The following PPM1B variants were observed in gnomAD, a reference collection of about 807,000 sequenced individuals.
The protein encoded by PPM1B is protein phosphatase, Mg2+/Mn2+ dependent 1B.
In PPM1B, 22 loss-of-function variants were observed where a neutral mutation model predicts 43.0. The ratio of observed to expected loss-of-function variants is 0.51; its 90% CI spans 0.37 to 0.73. PPM1B has a LOEUF of 0.73. Among genes scored for constraint, PPM1B ranks in the 30% least tolerant of loss-of-function variants. The pLI is 0.00. For synonymous variants in PPM1B, 217 were observed against 197.9 expected (o/e 1.10, Z -0.81); for missense variants, 632 against 584.2 (o/e 1.08, Z -0.84).
downstream of PPM1B, chr2:44,234,098 A>G (rs142565998): frequency 7.5e-4 from 728 of 968,080 alleles, 4 homozygotes; most frequent in African/African-American, 0.012. Flanking sequence ...TCAGTTTTTA[A>G]TGTTATTTTA....
intron 1 of PPM1B, among the ~76,000 whole-genome samples, chr2:44,191,793 G>T (rs1668415552): frequency 6.6e-6 from 1 of 152,034 alleles, no homozygotes; most frequent in Non-Finnish European, 1.5e-5. Flanking sequence ...TGCTGTTTGG[G>T]TTCCTAATTC....
intron 1 of PPM1B, among the ~76,000 whole-genome samples, chr2:44,199,038 C>A (rs1310800594): frequency 1.3e-5 from 2 of 151,910 alleles, no homozygotes; most frequent in Non-Finnish European, 2.9e-5. Flanking sequence ...GTGGGCAGAT[C>A]ACAAGGTCAG....
In PPM1B at chr2:44,241,246, G is replaced by GC. The variant is rs530398394; in HGVS notation, n.1547-2976dup. On this transcript the variant is annotated intron_variant and non_coding_transcript_variant, in intron 5 of 5. Transcript: ENST00000378540. ...TCGAACTCCCGACCTCAGGTGATCC[G>GC]CCCCCCTTGGCCTCCCAAAGTGCTG... 4.6e-3 allele frequency among the ~76,000 whole-genome samples: 654 copies of GC among 141,428 alleles called. 36 individuals carry two copies. Among genetic ancestry groups the GC allele is most frequent in the African/African-American group, 0.015 (610 of 40,000 alleles). 92.8% of individuals were successfully genotyped at this position (141,428 alleles called of 152,430 possible).
intron 1 of PPM1B, among the ~76,000 whole-genome samples, chr2:44,171,280 C>T (rs561019150): frequency 3.9e-5 from 6 of 152,208 alleles, no homozygotes; most frequent in African/African-American, 1.2e-4. Context: ...TAGTAATTCA[C>T]CTAATTACTA....
At chr2:44,177,948 G>T (rs527470903) in intron 1 of PPM1B, among the ~76,000 whole-genome samples, 1 of 142,606 alleles carries the variant, frequency 7.0e-6, no homozygotes, top group African/African-American at 2.7e-5. Context: ...AAGACAGTCC[G>T]GCTCTGTTGC....
chr2:44,238,008 C>T (rs1334995486), downstream of PPM1B, among the ~76,000 whole-genome samples: 2 of 152,202 alleles, frequency 1.3e-5, no homozygotes, highest in Admixed American at 1.3e-4. Context: ...TCAAGCGATT[C>T]TTCTGCCTCA....
At chr2:44,193,884 A>C (rs1401477524) in intron 1 of PPM1B, among the ~76,000 whole-genome samples, 2 of 151,532 alleles carry the variant, frequency 1.3e-5, no homozygotes, top group Non-Finnish European at 2.9e-5. Flanking sequence ...CAGCATAAAA[A>C]ATTTTTTTTT....
intron 3 of PPM1B, among the ~76,000 whole-genome samples, chr2:44,213,403 TTC>T (rs1669574209): frequency 6.6e-6 from 1 of 151,730 alleles, no homozygotes; most frequent in African/African-American, 2.4e-5. Context: ...GGTATAATAG[TTC>T]GTTGAATTTG....
At chr2:44,215,233 C>T (rs566503653) in intron 3 of PPM1B, among the ~76,000 whole-genome samples, 7 of 152,150 alleles carry the variant, frequency 4.6e-5, no homozygotes, top group South Asian at 4.2e-4. Flanking sequence ...CTTGGGATGC[C>T]GAGGCAGAAG....
intron 5 of PPM1B, among the ~76,000 whole-genome samples, chr2:44,226,735 C>CTTTTTTTTTTTTTTTTTTTTT (rs60750702): frequency 1.5e-5 from 1 of 66,686 alleles, no homozygotes; most frequent in African/African-American, 6.4e-5. Context: ...AGGTTTTTAT[C>CTTTTTTTTTTTTTTTTTTTTT]TTTTTTTTTT....
chr2:44,245,418 C>G (rs1292114848), downstream of PPM1B, among the ~76,000 whole-genome samples: 6 of 152,150 alleles, frequency 3.9e-5, no homozygotes, highest in African/African-American at 7.2e-5. Context: ...ATCTCTGCTT[C>G]TTCTCCTCAG....
intron 5 of PPM1B, among the ~76,000 whole-genome samples, chr2:44,226,069 A>G (rs1330403659): frequency 6.7e-6 from 1 of 148,790 alleles, no homozygotes; most frequent in Non-Finnish European, 1.5e-5. Flanking sequence ...TCCGTCTCCC[A>G]GGTTCACGCC....
At chr2:44,231,964 A>G (rs1175136174), downstream of PPM1B, among the ~76,000 whole-genome samples, 1 of 152,226 alleles carries the variant, frequency 6.6e-6, no homozygotes. Flanking sequence ...TTATATTTAT[A>G]TCATGTGTCT....
intron 2 of PPM1B, among the ~76,000 whole-genome samples, chr2:44,206,456 C>T (rs894701670): frequency 1.3e-5 from 2 of 152,140 alleles, no homozygotes; most frequent in Non-Finnish European, 2.9e-5. Context: ...TCACACATGC[C>T]TGAGATGTAA....
intron 1 of PPM1B, among the ~76,000 whole-genome samples, chr2:44,197,559 A>C (rs970210092): frequency 2.0e-5 from 3 of 152,348 alleles, no homozygotes; most frequent in Admixed American, 2.0e-4. Flanking sequence ...GTCAGTATCC[A>C]GTCAGGGATA....
chr2:44,195,281 A>G (rs1297826527), intron 1 of PPM1B, among the ~76,000 whole-genome samples: 2 of 150,348 alleles, frequency 1.3e-5, no homozygotes, highest in African/African-American at 2.5e-5. Context: ...ATAGTTCACT[A>G]CAGCCTCAAT....
chr2:44,188,590 C>T (rs985604218), intron 1 of PPM1B, among the ~76,000 whole-genome samples: 1 of 151,694 alleles, frequency 6.6e-6, no homozygotes, highest in Non-Finnish European at 1.5e-5. Context: ...AGAGTTGGGA[C>T]TTGCTGTGTT....
At chr2:44,193,070 C>T (rs893932202) in intron 1 of PPM1B, among the ~76,000 whole-genome samples, 1 of 152,182 alleles carries the variant, frequency 6.6e-6, no homozygotes, top group Non-Finnish European at 1.5e-5. Flanking sequence ...AATTCAGTTC[C>T]TTAGGGTTAT....
At chr2:44,169,393 C>A (rs971175796) in intron 1 of PPM1B, 119 bp downstream of exon 1, 1 of 152,380 alleles carries the variant, frequency 6.6e-6, no homozygotes, top group African/African-American at 2.4e-5. Context: ...CTCTGTCCTT[C>A]CGAATCCTCG....
Sources: gnomAD v4.1 joint callset for allele counts (sites outside exome capture counted in the v4.1 genomes callset) on GRCh38, gnomAD v4.1.1 for gene constraint, MANE v1.5 for transcripts, NCBI Gene and HGNC (gene_info 2026-07-23, HGNC 2026-07-21) for gene names.